Variants in SPECC1 observed in about 807,000 individuals in gnomAD.
SPECC1 encodes cytospin-B.
Under a neutral mutation model 104.1 loss-of-function variants are expected in SPECC1, and 62 were observed. That is an observed-to-expected ratio of 0.60 (90% CI 0.49 to 0.74). SPECC1 has a LOEUF of 0.74. Among genes scored for constraint, SPECC1 ranks in the 30% least tolerant of loss-of-function variants. SPECC1 has a pLI of 0.00. For synonymous variants in SPECC1, 513 were observed against 501.6 expected (o/e 1.02, Z -0.30); for missense variants, 1,306 against 1,310.5 (o/e 1.00, Z 0.05).
chr17:20,155,370 G>A (rs2032370199), intron 3 of SPECC1: 1 of 152,136 alleles, frequency 6.6e-6, no homozygotes, highest in African/African-American at 2.4e-5. Flanking sequence ...ACCACTAATG[G>A]TTTTTTTAGT....
intron 3 of SPECC1, among the ~76,000 whole-genome samples, chr17:20,178,206 C>G (rs544080858): frequency 1.3e-5 from 2 of 152,298 alleles, no homozygotes; most frequent in South Asian, 4.1e-4. Flanking sequence ...TTAAATAATA[C>G]TAACACATAG....
At chr17:20,101,930 G>A (rs1229624961) in intron 2 of SPECC1, among the ~76,000 whole-genome samples, 2 of 152,214 alleles carry the variant, frequency 1.3e-5, no homozygotes, top group African/African-American at 2.4e-5. Flanking sequence ...GTGGAATTGA[G>A]AGGAATTTCT....
At chr17:20,300,213 G>A (rs1001828431) in intron 13 of SPECC1, among the ~76,000 whole-genome samples, 2 of 152,192 alleles carry the variant, frequency 1.3e-5, no homozygotes, top group Non-Finnish European at 2.9e-5. Flanking sequence ...CCCAGTGTTT[G>A]TTGTGGAGGT....
chr17:20,142,602 A>T (rs1004545639), intron 3 of SPECC1, among the ~76,000 whole-genome samples: 2 of 152,238 alleles, frequency 1.3e-5, no homozygotes, highest in Non-Finnish European at 2.9e-5. Context: ...CACCAAATCC[A>T]TAGAGACAGA....
intron 1 of SPECC1, among the ~76,000 whole-genome samples, chr17:20,016,646 GC>G: frequency 6.6e-6 from 1 of 152,356 alleles, no homozygotes; most frequent in East Asian, 1.9e-4. Flanking sequence ...TTCTCGCTGG[GC>G]CTTAGCTGCC....
intron 1 of SPECC1, among the ~76,000 whole-genome samples, chr17:20,052,951 C>G (rs1434191244): frequency 6.6e-6 from 1 of 152,232 alleles, no homozygotes; most frequent in African/African-American, 2.4e-5. Context: ...CAGGACCACA[C>G]TAAATAGCAC....
Position 20,110,465 on chromosome 17 carries a change from A to T in SPECC1, c.186A>T (p.Pro62=). Residue 62 remains proline (P), a synonymous_variant, in exon 3 of 15, where the codon CCA becomes CCT. Coordinates refer to ENST00000395527, the MANE Select transcript of SPECC1 (RefSeq NM_001243439.2). ...GCAGTGAGGACACGCTCAACAAGCCAGGAAGTACCGCTGCATCGGGGGTGG... is the reference window on the plus strand; with the variant it reads ...GCAGTGAGGACACGCTCAACAAGCCTGGAAGTACCGCTGCATCGGGGGTGG... ...RASSEDTLNK[P]GSTAASGVVR... is the part of the protein sequence containing the mutation. The T allele has an allele frequency of 6.2e-7, 1 of 1,614,086 alleles. No homozygotes were observed.
At chr17:20,034,066 A>G (rs1294131326) in intron 1 of SPECC1, among the ~76,000 whole-genome samples, 1 of 152,008 alleles carries the variant, frequency 6.6e-6, no homozygotes, top group African/African-American at 2.4e-5. Flanking sequence ...GGCTCCTTTA[A>G]ATAGTTTCTA....
In SPECC1 at chr17:20,140,949, G is replaced by A. The variant is rs576365222; in HGVS notation, c.283+30387G>A. 5.9e-5 allele frequency among the ~76,000 whole-genome samples: 9 copies of A among 152,252 alleles called. No individual in the cohort carries two copies. The South Asian group carries it at 1.5e-3, about 25-fold the overall frequency. ...TATGGCTGTCTTACCTCCCTCCCCC[G>A]TTGGTGCCTTGACTGTGACCTTTTC... On this transcript the variant is annotated intron_variant, in intron 3 of 14. Transcript: ENST00000395527.
At chr17:20,042,702 T>C (rs761769780) in intron 1 of SPECC1, among the ~76,000 whole-genome samples, 5 of 152,202 alleles carry the variant, frequency 3.3e-5, no homozygotes, top group Non-Finnish European at 2.9e-5. Flanking sequence ...TCCTTCCTGG[T>C]CCTTTGGCTA....
At chr17:20,292,478 C>T (rs1466267489) in intron 12 of SPECC1, among the ~76,000 whole-genome samples, 3 of 152,022 alleles carry the variant, frequency 2.0e-5, no homozygotes, top group South Asian at 2.1e-4. Flanking sequence ...TTACAGGTAC[C>T]AGCCACCACG....
chr17:20,216,505 T>TGACAAGCATG (rs2037497811), intron 4 of SPECC1, among the ~76,000 whole-genome samples: 1 of 152,050 alleles, frequency 6.6e-6, no homozygotes, highest in Non-Finnish European at 1.5e-5. Flanking sequence ...TACATGTGTC[T>TGACAAGCATG]GACAAGCATG....
At chr17:20,127,437 CTTTTTT>C (rs369424296) in intron 3 of SPECC1, among the ~76,000 whole-genome samples, 1 of 104,488 alleles carries the variant, frequency 9.6e-6, no homozygotes, top group Non-Finnish European at 1.9e-5. Context: ...ATCAGGTCAT[CTTTTTT>C]TTTTTTTTTT....
chr17:20,161,062 T>G (rs1376866026), intron 3 of SPECC1, among the ~76,000 whole-genome samples: 2 of 152,060 alleles, frequency 1.3e-5, no homozygotes, highest in Non-Finnish European at 2.9e-5. Flanking sequence ...AATACAAAAA[T>G]TAGTCGAGTG....
chr17:20,199,191 A>G (rs550558508), intron 3 of SPECC1, among the ~76,000 whole-genome samples: 13 of 145,994 alleles, frequency 8.9e-5, no homozygotes, highest in Non-Finnish European at 1.3e-4. Flanking sequence ...GGTTCAAGCA[A>G]TTCTCCTGCC....
intron 12 of SPECC1, among the ~76,000 whole-genome samples, chr17:20,267,178 C>T (rs2040244948): frequency 6.6e-6 from 1 of 152,194 alleles, no homozygotes; most frequent in Non-Finnish European, 1.5e-5. Context: ...CTCATACACA[C>T]TGGTGTCTTT....
intron 7 of SPECC1, chr17:20,238,559 G>A: frequency 9.6e-7 from 1 of 1,043,096 alleles, no homozygotes; most frequent in Non-Finnish European, 1.2e-6. Flanking sequence ...AGATCTTTTG[G>A]GGTGTCAAAC....
intron 3 of SPECC1, among the ~76,000 whole-genome samples, chr17:20,134,765 G>C (rs1273267164): frequency 1.3e-5 from 2 of 152,098 alleles, no homozygotes; most frequent in Non-Finnish European, 2.9e-5. Context: ...GCCTAGAAAT[G>C]CTGAAATGGG....
In SPECC1 at chr17:20,051,072, CTTTCTTTCTT is replaced by C. The variant is rs1567813249; in HGVS notation, c.-22+41650_-22+41659del. 7.8e-3 allele frequency among the ~76,000 whole-genome samples: 443 copies of C among 56,856 alleles called. 4 individuals are homozygous for C. Among genetic ancestry groups the C allele is most frequent in the African/African-American group, 0.02 (332 of 16,700 alleles). The allele number at this position is 56,856 out of a possible 152,430, so 37.3% of individuals were successfully genotyped here. A position where few individuals can be genotyped will look rare whatever the true frequency, so the allele number is the denominator to read the frequency against. On this transcript the variant is annotated intron_variant, in intron 1 of 14. Coordinates refer to ENST00000395527, the MANE Select transcript of SPECC1 (RefSeq NM_001243439.2). The stretch of plus-strand genomic sequence containing the variant: ...GTTCTTTCTTTCTTTCTTTCTTTTT[CTTTCTTTCTT>C]TCTTTCTTTCTTTCTTTCTTTCTTT...
Sources: allele counts gnomAD v4.1 joint callset (sites outside exome capture counted in the v4.1 genomes callset), GRCh38; gene constraint gnomAD v4.1.1; transcripts MANE v1.5; gene names NCBI Gene and HGNC (gene_info 2026-07-23, HGNC 2026-07-21).